WDFY1: variants seen among roughly 807,000 people sequenced by gnomAD.
The protein encoded by WDFY1 is WD repeat and FYVE domain-containing protein 1.
Under a neutral mutation model 56.4 loss-of-function variants are expected in WDFY1, and 32 were observed. That is an observed-to-expected ratio of 0.57 (90% CI 0.43 to 0.76). The LOEUF (loss-of-function observed/expected upper bound fraction) is 0.76. Ranked by LOEUF, WDFY1 falls within the 30% of genes least tolerant of loss-of-function variation. The pLI, the probability that WDFY1 is intolerant of heterozygous loss-of-function variation, is 0.00. For missense variants in WDFY1, 480 were observed against 545.7 expected (o/e 0.88, Z 1.20); for synonymous variants, 192 against 197.3 (o/e 0.97, Z 0.23).
intron 8 of WDFY1, among the ~76,000 whole-genome samples, chr2:223,887,014 A>G (rs1288626970): frequency 6.6e-6 from 1 of 152,210 alleles, no homozygotes; most frequent in Non-Finnish European, 1.5e-5. Flanking sequence ...GTAGACTGAA[A>G]TAGGCTGAGA....
chr2:223,932,953 C>T (rs1360665118), intron 1 of WDFY1, among the ~76,000 whole-genome samples: 4 of 151,554 alleles, frequency 2.6e-5, no homozygotes, highest in African/African-American at 9.7e-5. Flanking sequence ...AACAACATAG[C>T]TATCATTGCC....
At chr2:223,915,771 A>G (rs1009192101) in intron 2 of WDFY1, among the ~76,000 whole-genome samples, 1 of 152,214 alleles carries the variant, frequency 6.6e-6, no homozygotes, top group African/African-American at 2.4e-5. Context: ...AGCCTAACAG[A>G]AGTCTTTTTG....
intron 1 of WDFY1, among the ~76,000 whole-genome samples, chr2:223,922,171 C>T (rs370601257): frequency 1.3e-5 from 2 of 152,216 alleles, no homozygotes; most frequent in South Asian, 4.1e-4. Flanking sequence ...TTCCTCCCCA[C>T]CCTACCAAGA....
intron 1 of WDFY1, among the ~76,000 whole-genome samples, chr2:223,926,899 C>T (rs1203371917): frequency 1.3e-4 from 20 of 152,182 alleles, no homozygotes; most frequent in Non-Finnish European, 2.5e-4. Context: ...AACTCCTGAC[C>T]TCAAGTGATC....
rs1693501455 is a variant in WDFY1, at chr2:223,901,174, G to A, written c.485+9C>T. 1 of 1,611,456 alleles carries A rather than the reference G, an allele frequency of 6.2e-7. No homozygotes were observed. The highest frequency in any genetic ancestry group is 1.3e-5 in the African/African-American group (1 of 74,986). On this transcript the variant is annotated intron_variant, in intron 5 of 11. Transcript: ENST00000233055. ...AGGGGAAGGAGAGGTCCGTGGCTCT[G>A]AAGGATACTGCAGACACGAAGCCCA...
At chr2:223,882,871 G>A (rs1169750788) in intron 9 of WDFY1, among the ~76,000 whole-genome samples, 1 of 151,890 alleles carries the variant, frequency 6.6e-6, no homozygotes, top group Admixed American at 6.6e-5. Context: ...GGCACTACAC[G>A]TGTCTGCCAC....
intron 6 of WDFY1, among the ~76,000 whole-genome samples, chr2:223,896,281 A>C (rs1693375445): frequency 6.6e-6 from 1 of 151,980 alleles, no homozygotes; most frequent in Non-Finnish European, 1.5e-5. Flanking sequence ...TGAAGAAAAA[A>C]ATTGCTACTA....
intron 1 of WDFY1, among the ~76,000 whole-genome samples, chr2:223,937,561 T>C (rs1263046779): frequency 6.6e-6 from 1 of 152,138 alleles, no homozygotes; most frequent in Non-Finnish European, 1.5e-5. Context: ...TCATGTCCAT[T>C]TTGCACATGA....
At chr2:223,944,590 C>A (rs976344494) in intron 1 of WDFY1, among the ~76,000 whole-genome samples, 2 of 149,242 alleles carry the variant, frequency 1.3e-5, no homozygotes, top group African/African-American at 5.0e-5. Flanking sequence ...GGGTCCCGGG[C>A]TTGAGTGGCG....
At chr2:223,941,680 C>T (rs1209867909) in intron 1 of WDFY1, among the ~76,000 whole-genome samples, 1 of 151,888 alleles carries the variant, frequency 6.6e-6, no homozygotes, top group Non-Finnish European at 1.5e-5. Context: ...CTAGCATGGG[C>T]CCCACACACG....
intron 4 of WDFY1, among the ~76,000 whole-genome samples, chr2:223,904,345 G>A (rs574767014): frequency 6.6e-4 from 101 of 152,310 alleles, no homozygotes; most frequent in African/African-American, 2.3e-3. Context: ...TCCGCCTCCC[G>A]GGTTCAAGCG....
chr2:223,938,522 A>C (rs1689241589), intron 1 of WDFY1, among the ~76,000 whole-genome samples: 1 of 152,228 alleles, frequency 6.6e-6, no homozygotes, highest in Admixed American at 6.5e-5. Context: ...TAAATTAAAG[A>C]GCTTAAGGTA....
chr2:223,931,962 A>G (rs993896214), intron 1 of WDFY1, among the ~76,000 whole-genome samples: 30 of 151,156 alleles, frequency 2.0e-4, no homozygotes, highest in Admixed American at 9.2e-4. Context: ...CTGGGATTAC[A>G]GGCGTGAGCC....
chr2:223,912,016 T>C (rs2106088866), intron 3 of WDFY1, among the ~76,000 whole-genome samples: 1 of 152,150 alleles, frequency 6.6e-6, no homozygotes, highest in East Asian at 1.9e-4. Context: ...GGTCTCACTA[T>C]GTTACCCAGG....
At chr2:223,882,601 C>T (rs1182737035) in intron 9 of WDFY1, among the ~76,000 whole-genome samples, 1 of 152,206 alleles carries the variant, frequency 6.6e-6, no homozygotes, top group East Asian at 1.9e-4. Context: ...TTCATTCATT[C>T]ATATTATCTG....
At chr2:223,891,702 C>T (rs1303228891) in intron 8 of WDFY1, among the ~76,000 whole-genome samples, 2 of 152,060 alleles carry the variant, frequency 1.3e-5, no homozygotes, top group Non-Finnish European at 2.9e-5. Context: ...AATTTACCAA[C>T]GATAAAAAGA....
chr2:223,907,427 T>C (rs1420797368), intron 3 of WDFY1, among the ~76,000 whole-genome samples: 1 of 152,200 alleles, frequency 6.6e-6, no homozygotes, highest in African/African-American at 2.4e-5. Flanking sequence ...ATCAGCACTG[T>C]ATATATTAAT....
intron 10 of WDFY1, among the ~76,000 whole-genome samples, chr2:223,880,904 T>G (rs538812425): frequency 6.6e-6 from 1 of 152,294 alleles, no homozygotes; most frequent in African/African-American, 2.4e-5. Flanking sequence ...CTGAAACCTC[T>G]GCCATGCACA....
At chr2:223,892,476 T>C (rs1375216844) in intron 8 of WDFY1, among the ~76,000 whole-genome samples, 3 of 152,190 alleles carry the variant, frequency 2.0e-5, no homozygotes, top group Non-Finnish European at 4.4e-5. Context: ...ATTTTATTAT[T>C]TATAGGGTAG....
Sources: gnomAD v4.1 joint callset for allele counts (sites outside exome capture counted in the v4.1 genomes callset) on GRCh38, gnomAD v4.1.1 for gene constraint, MANE v1.5 for transcripts, NCBI Gene and HGNC (gene_info 2026-07-23, HGNC 2026-07-21) for gene names.